The following APLP2 variants were observed in gnomAD, a reference collection of about 807,000 sequenced individuals.
APLP2 encodes amyloid beta precursor like protein 2.
Under a neutral mutation model 89.9 loss-of-function variants are expected in APLP2, and 53 were observed. The ratio of observed to expected loss-of-function variants is 0.59; its 90% CI spans 0.47 to 0.74. The LOEUF is 0.74. APLP2 is among the 30% of genes least tolerant of loss of function. The pLI, the probability that APLP2 is intolerant of heterozygous loss-of-function variation, is 0.00. For synonymous variants in APLP2, 372 were observed against 348.6 expected (o/e 1.07, Z -0.75); for missense variants, 973 against 975.9 (o/e 1.00, Z 0.04).
chr11:130,139,411 G>A (rs7103088), intron 13 of APLP2: 47,348 of 152,202 alleles, frequency 0.31, 14,438 homozygotes, highest in African/African-American at 0.79. Flanking sequence ...TAGAATGCCA[G>A]ATACGCTGTC....
chr11:130,124,953 C>T (rs1490245588), intron 7 of APLP2, among the ~76,000 whole-genome samples: 2 of 152,228 alleles, frequency 1.3e-5, no homozygotes, highest in Non-Finnish European at 2.9e-5. Context: ...GTGGTGATCT[C>T]TACCCGAAGG....
At chr11:130,135,911 G>A (rs1353162162) in intron 13 of APLP2, among the ~76,000 whole-genome samples, 196 bp downstream of exon 13, 2 of 152,192 alleles carry the variant, frequency 1.3e-5, no homozygotes, top group Admixed American at 1.3e-4. Context: ...TGGTGTCAAT[G>A]TCACCATGAA....
chr11:130,111,800 C>T (rs1412579229), intron 3 of APLP2, among the ~76,000 whole-genome samples: 1 of 152,148 alleles, frequency 6.6e-6, no homozygotes, highest in African/African-American at 2.4e-5. Flanking sequence ...TGAGAAATCT[C>T]TAGGTATGAG....
intron 1 of APLP2, among the ~76,000 whole-genome samples, chr11:130,096,139 G>A (rs1053999212): frequency 6.6e-6 from 1 of 152,184 alleles, no homozygotes; most frequent in African/African-American, 2.4e-5. Context: ...GGAAGGCTTC[G>A]AGTTCTGGGA....
At chr11:130,106,005 T>C (rs1947694566) in intron 1 of APLP2, among the ~76,000 whole-genome samples, 2 of 152,208 alleles carry the variant, frequency 1.3e-5, no homozygotes, top group South Asian at 4.1e-4. Context: ...GCCCGGCCGA[T>C]GCCTGTGCTT....
intron 1 of APLP2, among the ~76,000 whole-genome samples, chr11:130,099,579 A>G (rs1397358476): frequency 6.6e-6 from 1 of 152,204 alleles, no homozygotes; most frequent in Non-Finnish European, 1.5e-5. Context: ...GAAGTCAGCA[A>G]CTCTTGGCCA....
Position 130,143,628 on chromosome 11 carries a change from G to A in APLP2, c.*180G>A, listed in dbSNP as rs1353873152. 3 of 569,324 alleles carry A rather than the reference G, an allele frequency of 5.3e-6. No homozygotes were observed. The highest frequency in any genetic ancestry group is 3.8e-5 in the African/African-American group (2 of 53,206). 35.3% of individuals were successfully genotyped at this position (569,324 alleles called of 1,614,324 possible). ...CTGCAATTTCCATTCTTTTAAATGG[G>A]TGAAAAATGGTAATATAACAATATA... On this transcript the variant is annotated 3_prime_UTR_variant, in exon 17 of 17. Transcript: ENST00000338167.
chr11:130,116,245 TTTTG>T (rs1169191807), intron 3 of APLP2, among the ~76,000 whole-genome samples: 13 of 152,280 alleles, frequency 8.5e-5, no homozygotes, highest in Admixed American at 3.9e-4. Context: ...GTGGGTTTCC[TTTTG>T]TTTGTTTGTT....
At chr11:130,103,471 C>T (rs1048305894) in intron 1 of APLP2, among the ~76,000 whole-genome samples, 7 of 152,152 alleles carry the variant, frequency 4.6e-5, no homozygotes, top group African/African-American at 1.7e-4. Flanking sequence ...TTGCTTTAAC[C>T]TCTGGTATTT....
At chr11:130,135,937 C>T (rs748250695) in intron 13 of APLP2, among the ~76,000 whole-genome samples, 5 of 152,190 alleles carry the variant, frequency 3.3e-5, no homozygotes, top group African/African-American at 4.8e-5. Flanking sequence ...GACTAATTCT[C>T]CCATTTCAAG....
At chr11:130,078,176 T>A (rs1053804505) in intron 1 of APLP2, among the ~76,000 whole-genome samples, 1 of 152,002 alleles carries the variant, frequency 6.6e-6, no homozygotes, top group African/African-American at 2.4e-5. Context: ...TTTTTTTTTT[T>A]TTTTAGCTTC....
chr11:130,099,263 A>G (rs1946600541), intron 1 of APLP2, among the ~76,000 whole-genome samples: 1 of 152,224 alleles, frequency 6.6e-6, no homozygotes, highest in Non-Finnish European at 1.5e-5. Flanking sequence ...TTTCTCCTGC[A>G]TGGGGAGTTT....
At chr11:130,116,317 A>G (rs912261499) in intron 3 of APLP2, among the ~76,000 whole-genome samples, 1 of 152,232 alleles carries the variant, frequency 6.6e-6, no homozygotes, top group Non-Finnish European at 1.5e-5. Flanking sequence ...AAATATACAC[A>G]TAAGCCATAT....
Position 130,141,436 on chromosome 11 carries a change from G to A in APLP2, c.1924-62G>A. ...CAGCAGGTAGCAGAGGAAGGAGGCA[G>A]TAAATACCAAACTCCCCGTTCACCC... On this transcript the variant is annotated intron_variant, in intron 14 of 16. Transcript: ENST00000338167. The surrounding 1 kb of genome is among the most constrained non-coding windows in gnomAD (Gnocchi z 4.2). The A allele has an allele frequency of 7.1e-7, 1 of 1,404,076 alleles. No homozygotes were observed. Among genetic ancestry groups the A allele is most frequent in the Non-Finnish European group, 1.0e-6 (1 of 991,014 alleles). 87.0% of individuals were successfully genotyped at this position (1,404,076 alleles called of 1,614,324 possible). A position where few individuals can be genotyped will look rare whatever the true frequency, so the allele number is the denominator to read the frequency against.
At chr11:130,116,219 G>A (rs1225345946) in intron 3 of APLP2, among the ~76,000 whole-genome samples, 1 of 151,968 alleles carries the variant, frequency 6.6e-6, no homozygotes, top group East Asian at 1.9e-4. Flanking sequence ...CCTGAAGAAG[G>A]GGTTAGAGAT....
intron 1 of APLP2, among the ~76,000 whole-genome samples, chr11:130,104,536 A>G (rs1430015486): frequency 6.6e-6 from 1 of 152,094 alleles, no homozygotes; most frequent in African/African-American, 2.4e-5. Flanking sequence ...ATCTTGAACT[A>G]AGTGTGAAGA....
At chr11:130,090,563 G>A (rs373026818) in intron 1 of APLP2, among the ~76,000 whole-genome samples, 19 of 151,918 alleles carry the variant, frequency 1.3e-4, no homozygotes, top group South Asian at 2.1e-4. Context: ...CATGTTTCAG[G>A]GAGCACAGGG....
intron 13 of APLP2, among the ~76,000 whole-genome samples, chr11:130,138,332 T>G (rs567652444): frequency 6.6e-6 from 1 of 152,276 alleles, no homozygotes; most frequent in East Asian, 1.9e-4. Flanking sequence ...ATGCTTTATT[T>G]TATTCTACTT....
rs1950889300 is a variant in APLP2, at chr11:130,131,036, G to C, written c.1584+870G>C. 2.6e-5 allele frequency among the ~76,000 whole-genome samples: 4 copies of C among 152,348 alleles called. No individual in the cohort carries two copies. The South Asian group carries it at 8.3e-4, about 32-fold the overall frequency. On this transcript the variant is annotated intron_variant, in intron 11 of 16. Coordinates refer to ENST00000338167, the MANE Select transcript of APLP2 (RefSeq NM_001142276.2). ...AGTGCTGCCGGGTTGACTCCCTTGA[G>C]TGCCCTTGAGCAGCTCACACGCTAG...
Sources: allele counts gnomAD v4.1 joint callset (sites outside exome capture counted in the v4.1 genomes callset), GRCh38; gene constraint gnomAD v4.1.1; non-coding constraint Gnocchi (gnomAD v3.1); transcripts MANE v1.5; gene names NCBI Gene and HGNC (gene_info 2026-07-23, HGNC 2026-07-21).